Variants in CNTNAP4 observed in about 807,000 individuals in gnomAD.
CNTNAP4 encodes contactin associated protein family member 4.
Under a neutral mutation model 148.4 loss-of-function variants are expected in CNTNAP4, and 98 were observed. That is an observed-to-expected ratio of 0.66 (90% CI 0.56 to 0.78). The LOEUF is 0.78. Among genes scored for constraint, CNTNAP4 ranks in the 30% least tolerant of loss-of-function variants. The pLI is 0.00. For synonymous variants in CNTNAP4, 730 were observed against 565.1 expected (o/e 1.29, Z -4.14); for missense variants, 1,935 against 1,565.6 (o/e 1.24, Z -3.98).
At chr16:76,487,738 A>G (rs2082076749) in intron 12 of CNTNAP4, among the ~76,000 whole-genome samples, 1 of 152,214 alleles carries the variant, frequency 6.6e-6, no homozygotes, top group Non-Finnish European at 1.5e-5. Flanking sequence ...AGAGAATAAA[A>G]TCACTTACAG....
At chr16:76,458,632 G>C (rs114166915) in intron 8 of CNTNAP4, among the ~76,000 whole-genome samples, 2,882 of 152,184 alleles carry the variant, frequency 0.019, 90 homozygotes, top group African/African-American at 0.066. Flanking sequence ...AATGCTGCCA[G>C]TGATCTGATA....
chr16:76,299,241 C>A (rs565714567), intron 1 of CNTNAP4, among the ~76,000 whole-genome samples: 2 of 152,070 alleles, frequency 1.3e-5, no homozygotes, highest in African/African-American at 4.8e-5. Flanking sequence ...ATTTTTGCAA[C>A]CTACTCATCT....
rs1043961118 is a variant in CNTNAP4, at chr16:76,401,784, C to T, written c.391-25668C>T. Among the ~76,000 whole-genome samples the T allele has an allele frequency of 3.9e-5, 6 of 152,180 alleles. 1 individual carries two copies. The highest frequency in any genetic ancestry group is 1.4e-4 in the African/African-American group (6 of 41,440). ...TGAATTTTATTAAAAGCCTTTTCCA[C>T]ATCTATTGAGATAATCATGTGATTT... On this transcript the variant is annotated intron_variant, in intron 3 of 23. Transcript: ENST00000611870.
At chr16:76,545,536 CT>C in intron 21 of CNTNAP4, among the ~76,000 whole-genome samples, 1 of 152,174 alleles carries the variant, frequency 6.6e-6, no homozygotes, top group East Asian at 1.9e-4. Flanking sequence ...ACCTGCAAAG[CT>C]TTTTATTTGG....
intron 10 of CNTNAP4, among the ~76,000 whole-genome samples, chr16:76,468,207 C>G (rs1400216265): frequency 2.0e-5 from 3 of 152,086 alleles, no homozygotes; most frequent in Non-Finnish European, 4.4e-5. Context: ...GGCGCAGTGG[C>G]TCATGCCTGT....
At chr16:76,345,369 T>C (rs1964816320) in intron 2 of CNTNAP4, among the ~76,000 whole-genome samples, 1 of 152,196 alleles carries the variant, frequency 6.6e-6, no homozygotes, top group Non-Finnish European at 1.5e-5. Flanking sequence ...AAACACATTG[T>C]TTTAATAAAA....
intron 2 of CNTNAP4, among the ~76,000 whole-genome samples, chr16:76,325,524 C>T (rs1014630956): frequency 2.6e-5 from 4 of 151,972 alleles, no homozygotes; most frequent in Admixed American, 1.3e-4. Flanking sequence ...GCCAGAAAGG[C>T]GTGGAATTTA....
chr16:76,463,387 T>G (rs193193655), intron 9 of CNTNAP4, among the ~76,000 whole-genome samples: 1 of 152,296 alleles, frequency 6.6e-6, no homozygotes, highest in Non-Finnish European at 1.5e-5. Context: ...TTTATGTCCT[T>G]CATGTTCAGG....
chr16:76,304,428 C>T (rs917094271), intron 1 of CNTNAP4, among the ~76,000 whole-genome samples: 1 of 151,966 alleles, frequency 6.6e-6, no homozygotes, highest in African/African-American at 2.4e-5. Context: ...GAAGAATTTC[C>T]CGGTAGGATG....
At chr16:76,346,851 T>C (rs1206910864) in intron 2 of CNTNAP4, among the ~76,000 whole-genome samples, 3 of 152,144 alleles carry the variant, frequency 2.0e-5, no homozygotes, top group Non-Finnish European at 4.4e-5. Flanking sequence ...TATTTACTTT[T>C]CAAAGCACTG....
At chr16:76,354,187 A>G (rs1360019611) in intron 2 of CNTNAP4, among the ~76,000 whole-genome samples, 3 of 152,208 alleles carry the variant, frequency 2.0e-5, no homozygotes, top group Non-Finnish European at 4.4e-5. Flanking sequence ...AATGAGTCAA[A>G]CCCTATTTCG....
intron 3 of CNTNAP4, among the ~76,000 whole-genome samples, chr16:76,355,840 T>TTTTATTTATTTA (rs138725617): frequency 2.8e-4 from 40 of 141,778 alleles, no homozygotes; most frequent in African/African-American, 6.1e-4. Context: ...TTGCATTGTC[T>TTTTATTTATTTA]TTTATTTATT....
intron 21 of CNTNAP4, among the ~76,000 whole-genome samples, chr16:76,548,975 C>T (rs934987460): frequency 3.3e-5 from 5 of 152,118 alleles, no homozygotes; most frequent in Non-Finnish European, 5.9e-5. Context: ...TCTGGGAGGA[C>T]GGCGGCTGAG....
chr16:76,423,201 T>A (rs2079254188), intron 3 of CNTNAP4, among the ~76,000 whole-genome samples: 1 of 152,194 alleles, frequency 6.6e-6, no homozygotes, highest in Non-Finnish European at 1.5e-5. Context: ...GTTTATGACT[T>A]TTGAAGTGAG....
At chr16:76,389,108 G>A (rs2016744041) in intron 3 of CNTNAP4, among the ~76,000 whole-genome samples, 1 of 152,154 alleles carries the variant, frequency 6.6e-6, no homozygotes, top group Non-Finnish European at 1.5e-5. Context: ...TATTGTCACT[G>A]TAGGAAATAA....
chr16:76,334,528 A>G lies in CNTNAP4; in HGVS notation c.196+18005A>G, dbSNP rs1466106897. Among the ~76,000 whole-genome samples the G allele has an allele frequency of 2.0e-5, 3 of 152,310 alleles. No individual in the cohort carries two copies. The East Asian group carries it at 5.8e-4, about 29-fold the overall frequency. ...TAATTATCCTTCAAACAAAACTCTA[A>G]TACTACAGTTAAACTTTTCTAGATA... is the stretch of plus-strand genomic sequence containing the variant. On this transcript the variant is annotated intron_variant, in intron 2 of 23. Coordinates refer to ENST00000611870, the MANE Select transcript of CNTNAP4 (RefSeq NM_033401.5).
intron 8 of CNTNAP4, among the ~76,000 whole-genome samples, chr16:76,460,738 G>C: frequency 2.9e-5 from 2 of 68,990 alleles, no homozygotes; most frequent in Admixed American, 2.0e-4. Context: ...GGGCGACAGA[G>C]CCAGACTCAT....
At chr16:76,520,522 G>T (rs2144094978) in intron 15 of CNTNAP4, among the ~76,000 whole-genome samples, 1 of 152,082 alleles carries the variant, frequency 6.6e-6, no homozygotes. Context: ...CATTCTTATT[G>T]GCAAAGTAAG....
At chr16:76,503,929 A>G (rs929999219) in intron 15 of CNTNAP4, among the ~76,000 whole-genome samples, 1 of 152,104 alleles carries the variant, frequency 6.6e-6, no homozygotes, top group East Asian at 1.9e-4. Context: ...TTTTGGTGTA[A>G]ATATAACAAA....
Sources: gnomAD v4.1 joint callset for allele counts (sites outside exome capture counted in the v4.1 genomes callset) on GRCh38, gnomAD v4.1.1 for gene constraint, MANE v1.5 for transcripts, NCBI Gene and HGNC (gene_info 2026-07-23, HGNC 2026-07-21) for gene names.